EFNA5: variants seen among roughly 807,000 people sequenced by gnomAD.
EFNA5 encodes the protein ephrin A5.
EFNA5 carries 5 observed loss-of-function variants against 22.9 expected under a neutral mutation model. The ratio of observed to expected loss-of-function variants is 0.22; its 90% CI spans 0.11 to 0.46. The LOEUF (loss-of-function observed/expected upper bound fraction) is 0.46. EFNA5 is among the 20% of genes least tolerant of loss of function. EFNA5 has a pLI of 0.99. For missense variants in EFNA5, 237 were observed against 293.3 expected, an observed-to-expected ratio of 0.81 and a Z score of 1.40; for synonymous variants, 113 against 112.2, an observed-to-expected ratio of 1.01 and a Z score of -0.04.
At chr5:107,406,569 A>C (rs1339909227) in intron 2 of EFNA5, among the ~76,000 whole-genome samples, 4 of 152,158 alleles carry the variant, frequency 2.6e-5, no homozygotes, top group Non-Finnish European at 5.9e-5. Context: ...ACAGGTATAC[A>C]CATACAATAA....
chr5:107,572,083 T>G (rs916045679), intron 1 of EFNA5, among the ~76,000 whole-genome samples: 1 of 152,084 alleles, frequency 6.6e-6, no homozygotes, highest in African/African-American at 2.4e-5. Flanking sequence ...AAAATGCTTC[T>G]GGAGTCTAAT....
intron 1 of EFNA5, among the ~76,000 whole-genome samples, chr5:107,547,474 G>A (rs917544647): frequency 2.6e-5 from 4 of 151,524 alleles, no homozygotes; most frequent in Non-Finnish European, 4.4e-5. Flanking sequence ...AGCTCTCTTG[G>A]TTAGGAATTT....
At chr5:107,578,197 A>T (rs1044508471) in intron 1 of EFNA5, among the ~76,000 whole-genome samples, 1 of 152,204 alleles carries the variant, frequency 6.6e-6, no homozygotes, top group Non-Finnish European at 1.5e-5. Context: ...AGAAGATGCA[A>T]AAGTGTGCCT....
intron 1 of EFNA5, among the ~76,000 whole-genome samples, chr5:107,621,696 A>T (rs1447822882): frequency 6.6e-6 from 1 of 152,252 alleles, no homozygotes; most frequent in Non-Finnish European, 1.5e-5. Context: ...TATGAGGATT[A>T]AATGAGCATT....
intron 1 of EFNA5, among the ~76,000 whole-genome samples, chr5:107,436,645 G>A (rs925363976): frequency 2.6e-5 from 4 of 151,962 alleles, no homozygotes; most frequent in African/African-American, 7.2e-5. Flanking sequence ...ACACCCCCCA[G>A]CCCCAACTTC....
intron 1 of EFNA5, among the ~76,000 whole-genome samples, chr5:107,650,052 A>T (rs1438349507): frequency 6.6e-6 from 1 of 152,156 alleles, no homozygotes; most frequent in African/African-American, 2.4e-5. Context: ...AGAATCTTAG[A>T]ATCTAGTAAT....
chr5:107,411,445 T>C (rs1233003205), intron 2 of EFNA5, among the ~76,000 whole-genome samples: 1 of 152,208 alleles, frequency 6.6e-6, no homozygotes, highest in Non-Finnish European at 1.5e-5. Context: ...CCAATCAAAT[T>C]CCTTCTCCCA....
intron 2 of EFNA5, among the ~76,000 whole-genome samples, chr5:107,398,906 T>A (rs184104586): frequency 1.8e-4 from 26 of 147,270 alleles, no homozygotes; most frequent in Admixed American, 1.8e-3. Context: ...TTTGTTGACC[T>A]AATATGAACC....
rs163763 is a variant in EFNA5, at chr5:107,538,987, C to T, written c.126-111478G>A. Among the ~76,000 whole-genome samples, 1,303 of 152,302 alleles carry T rather than the reference C, an allele frequency of 8.6e-3. 18 individuals carry two copies. Among genetic ancestry groups the T allele is most frequent in the African/African-American group, 0.03 (1,267 of 41,572 alleles). Reference sequence around the variant, plus strand: ...CACACATGGGAACAAAAGCGACTGTCACAACATTCACAGCTTGTGAGGCAT... The same window carrying T: ...CACACATGGGAACAAAAGCGACTGTTACAACATTCACAGCTTGTGAGGCAT... On this transcript the variant is annotated intron_variant, in intron 1 of 4. Coordinates refer to ENST00000333274, the MANE Select transcript of EFNA5 (RefSeq NM_001962.3).
At chr5:107,538,884 A>AT (rs1747982501) in intron 1 of EFNA5, among the ~76,000 whole-genome samples, 1 of 152,216 alleles carries the variant, frequency 6.6e-6, no homozygotes, top group Non-Finnish European at 1.5e-5. Flanking sequence ...CCTTTGAGGC[A>AT]TTCAGCTTTT....
intron 2 of EFNA5, among the ~76,000 whole-genome samples, chr5:107,390,966 C>A (rs1186158280): frequency 2.0e-5 from 3 of 152,116 alleles, no homozygotes; most frequent in Non-Finnish European, 4.4e-5. Flanking sequence ...CGAGACCAGC[C>A]TGGCCAACTT....
intron 1 of EFNA5, among the ~76,000 whole-genome samples, chr5:107,514,887 C>A (rs1343940134): frequency 6.6e-6 from 1 of 152,062 alleles, no homozygotes; most frequent in Non-Finnish European, 1.5e-5. Context: ...GCATGGGAGT[C>A]CTTGATAAGG....
At chr5:107,667,649 G>A (rs1255483451) in intron 1 of EFNA5, among the ~76,000 whole-genome samples, 6 of 152,030 alleles carry the variant, frequency 3.9e-5, no homozygotes, top group Non-Finnish European at 8.8e-5. Context: ...TCAGTTTAAC[G>A]TGCCCACTGA....
intron 1 of EFNA5, among the ~76,000 whole-genome samples, chr5:107,626,510 G>A (rs1750144224): frequency 6.6e-6 from 1 of 151,914 alleles, no homozygotes; most frequent in African/African-American, 2.4e-5. Flanking sequence ...CAAACTCCTG[G>A]CCTCCAGCAA....
intron 1 of EFNA5, among the ~76,000 whole-genome samples, chr5:107,456,623 G>C (rs940916617): frequency 6.6e-6 from 1 of 152,164 alleles, no homozygotes; most frequent in African/African-American, 2.4e-5. Context: ...CTGTGCCAGT[G>C]GTTGGGGCAT....
At chr5:107,519,421 A>G (rs1455380198) in intron 1 of EFNA5, among the ~76,000 whole-genome samples, 1 of 152,224 alleles carries the variant, frequency 6.6e-6, no homozygotes, top group African/African-American at 2.4e-5. Flanking sequence ...TTGTCTTGAC[A>G]AGGTCACACC....
intron 1 of EFNA5, among the ~76,000 whole-genome samples, chr5:107,665,120 T>C (rs1323882587): frequency 6.6e-6 from 1 of 152,166 alleles, no homozygotes; most frequent in Non-Finnish European, 1.5e-5. Context: ...CTCTCAAAGG[T>C]AAATTTTCTG....
chr5:107,530,046 C>A (rs569315115), intron 1 of EFNA5, among the ~76,000 whole-genome samples: 1 of 152,162 alleles, frequency 6.6e-6, no homozygotes, highest in Non-Finnish European at 1.5e-5. Flanking sequence ...ATATCTTACC[C>A]ATGCTCTAGC....
At chr5:107,439,591 T>C (rs1211957983) in intron 1 of EFNA5, among the ~76,000 whole-genome samples, 1 of 152,202 alleles carries the variant, frequency 6.6e-6, no homozygotes, top group Non-Finnish European at 1.5e-5. Context: ...GCACTTCTCA[T>C]GATACCCTGC....
Sources: allele counts gnomAD v4.1 joint callset (sites outside exome capture counted in the v4.1 genomes callset), GRCh38; gene constraint gnomAD v4.1.1; transcripts MANE v1.5; gene names NCBI Gene and HGNC (gene_info 2026-07-23, HGNC 2026-07-21).